NUDT7: variants seen among roughly 807,000 people sequenced by gnomAD.
NUDT7 encodes the protein peroxisomal coenzyme A diphosphatase NUDT7.
In NUDT7, 19 loss-of-function variants were observed where a neutral mutation model predicts 13.1. The observed-to-expected ratio is 1.45, with a 90% CI of 1.01 to 2.13. The LOEUF (loss-of-function observed/expected upper bound fraction) is 2.13, where lower values mean the gene tolerates loss of function less well. Ranked by LOEUF, NUDT7 falls within the 30% of genes most tolerant of loss-of-function variation. The pLI is 0.00. For missense variants in NUDT7, 360 were observed against 291.7 expected (o/e 1.23, Z -1.71); for synonymous variants, 132 against 109.7 (o/e 1.20, Z -1.27).
chr16:77,737,008 T>C (rs1008157128), intron 3 of NUDT7, among the ~76,000 whole-genome samples: 22 of 151,788 alleles, frequency 1.4e-4, no homozygotes, highest in Admixed American at 7.9e-4. Flanking sequence ...ATGGAAACCA[T>C]AGGAAACTAG....
intron 2 of NUDT7, among the ~76,000 whole-genome samples, chr16:77,726,794 C>G (rs1037753481): frequency 6.6e-6 from 1 of 151,356 alleles, no homozygotes. Context: ...GACTCCATCT[C>G]AAAAAAAGAA....
At chr16:77,731,583 A>G (rs2014320503) in intron 2 of NUDT7, among the ~76,000 whole-genome samples, 2 of 152,214 alleles carry the variant, frequency 1.3e-5, no homozygotes, top group South Asian at 4.1e-4. Context: ...TGGTTTATGA[A>G]ATTTACTACA....
Position 77,735,871 on chromosome 16 carries a change from G to T in NUDT7, c.233G>T (p.Arg78Leu). Residue 78 changes from arginine to leucine, a missense_variant, in exon 3 of 4, where the codon CGT becomes CTT. Transcript: ENST00000268533. ...PGEVCFPGGK[R>L]DPTDMDDAAT... ...GAAGTTTGCTTCCCTGGAGGTAAGC[G>T]TGACCCTACAGACATGGATGATGCA... The T allele has an allele frequency of 2.5e-6, 4 of 1,614,026 alleles. No homozygotes were observed. The highest frequency in any genetic ancestry group is 3.4e-6 in the Non-Finnish European group (4 of 1,179,932).
intron 2 of NUDT7, among the ~76,000 whole-genome samples, chr16:77,734,716 A>G (rs1490388134): frequency 2.6e-5 from 4 of 151,106 alleles, no homozygotes; most frequent in Non-Finnish European, 4.4e-5. Context: ...CTATTCAGCC[A>G]TAAAAAAGGA....
At chr16:77,736,156 A>C in intron 3 of NUDT7, 170 bp downstream of exon 3, 1 of 592,340 alleles carries the variant, frequency 1.7e-6, no homozygotes, top group Non-Finnish European at 2.9e-6. Flanking sequence ...GCTATGGGCA[A>C]CCCCTTTTGC....
intron 2 of NUDT7, among the ~76,000 whole-genome samples, chr16:77,728,665 G>C (rs949553765): frequency 6.6e-6 from 1 of 152,188 alleles, no homozygotes; most frequent in Non-Finnish European, 1.5e-5. Context: ...ACGGCTGCTG[G>C]CATGCCATAG....
intron 1 of NUDT7, among the ~76,000 whole-genome samples, 198 bp from the exon 2 acceptor site, chr16:77,725,233 G>GT (rs1212266893): frequency 6.6e-6 from 1 of 152,212 alleles, no homozygotes; most frequent in Middle Eastern, 3.4e-3. Context: ...TGCTTAGAAG[G>GT]TTTTTTTGTC....
intron 2 of NUDT7, among the ~76,000 whole-genome samples, chr16:77,727,861 A>G (rs1444063770): frequency 7.7e-6 from 1 of 130,656 alleles, no homozygotes; most frequent in Non-Finnish European, 1.6e-5. Context: ...CATCTCAATA[A>G]TGAATAAATA....
At chr16:77,728,656 C>T (rs773739070) in intron 2 of NUDT7, among the ~76,000 whole-genome samples, 4 of 152,208 alleles carry the variant, frequency 2.6e-5, no homozygotes, top group South Asian at 2.1e-4. Context: ...ACGCCCAGCA[C>T]GGCTGCTGGC....
intron 2 of NUDT7, among the ~76,000 whole-genome samples, chr16:77,728,272 G>A (rs2014204294): frequency 6.6e-6 from 1 of 152,102 alleles, no homozygotes; most frequent in African/African-American, 2.4e-5. Flanking sequence ...TCGCTCTGTC[G>A]CCCAGGCTGG....
At chr16:77,727,701 A>C (rs2014182134) in intron 2 of NUDT7, among the ~76,000 whole-genome samples, 1 of 152,054 alleles carries the variant, frequency 6.6e-6, no homozygotes, top group Non-Finnish European at 1.5e-5. Context: ...CTAAAAATAC[A>C]AAAAATTAGC....
In NUDT7 at chr16:77,722,524, A is replaced by T. The variant is rs1193187156; in HGVS notation, c.-59A>T. The stretch of plus-strand genomic sequence containing the variant: ...CCCAAGCCCAGAGCTGCTCTGCGCA[A>T]GCGCGACCGACCGAGCAGCTCCGAG... On this transcript the variant is annotated 5_prime_UTR_variant, in exon 1 of 4. In the 5' UTR this introduces an upstream ATG that the reference lacks. Transcript: ENST00000268533. The T allele has an allele frequency of 2.0e-6, 3 of 1,510,774 alleles. No individual in the cohort carries two copies. Among genetic ancestry groups the T allele is most frequent in the African/African-American group, 2.8e-5 (2 of 72,288 alleles). The allele number at this position is 1,510,774 out of a possible 1,614,324, so 93.6% of individuals were successfully genotyped here.
intron 3 of NUDT7, 130 bp from the exon 4 acceptor site, chr16:77,741,452 G>A (rs771874942): frequency 2.9e-5 from 27 of 933,922 alleles, no homozygotes; most frequent in Middle Eastern, 3.4e-4. Flanking sequence ...ATTTGTTTCC[G>A]GAATAAGCTT....
chr16:77,726,750 T>C (rs907014278), intron 2 of NUDT7, among the ~76,000 whole-genome samples: 1 of 152,072 alleles, frequency 6.6e-6, no homozygotes, highest in Non-Finnish European at 1.5e-5. Context: ...TGAGCCGAGA[T>C]TGTGCCACTG....
intron 2 of NUDT7, among the ~76,000 whole-genome samples, chr16:77,728,266 T>C (rs2014204144): frequency 6.6e-6 from 1 of 152,172 alleles, no homozygotes; most frequent in South Asian, 2.1e-4. Context: ...GGATTCTCGC[T>C]CTGTCGCCCA....
rs138569793 is a variant in NUDT7, at chr16:77,737,990, T to C, written c.348+2004T>C. Among the ~76,000 whole-genome samples, 176 of 152,256 alleles carry C rather than the reference T, an allele frequency of 1.2e-3. 2 individuals carry two copies. Among genetic ancestry groups the C allele is most frequent in the African/African-American group, 4.0e-3 (167 of 41,560 alleles). ...TCCTTTTTAAAAATAGAAAGGTCAG[T>C]ACCCAAGGGTGGTTTTGTTTGCAAA... On this transcript the variant is annotated intron_variant, in intron 3 of 3. Coordinates refer to ENST00000268533, the MANE Select transcript of NUDT7 (RefSeq NM_001105663.3).
rs773502197 is a variant in NUDT7, at chr16:77,741,589, C to T, written c.356C>T (p.Thr119Ile). 3.6e-5 allele frequency: 58 copies of T among 1,603,648 alleles called. No homozygotes were observed. Among genetic ancestry groups the T allele is most frequent in the Non-Finnish European group, 4.4e-5 (52 of 1,176,772 alleles). The change falls in exon 4 of 4, where the codon ACA becomes ATA. Residue 119 changes from threonine (T) to isoleucine (I), a missense_variant. Thr to Ile is a moderately conservative substitution (Grantham distance 89). Coordinates refer to ENST00000268533, the MANE Select transcript of NUDT7 (RefSeq NM_001105663.3). ...CLVPCLIDTD[T>I]LITPFVGLID... The stretch of plus-strand genomic sequence containing the variant: ...TTTGTTTTCTGCTTTTAGACAGATA[C>T]ATTGATAACTCCATTTGTGGGTTTA...
At chr16:77,727,284 A>G (rs1354560809) in intron 2 of NUDT7, among the ~76,000 whole-genome samples, 1 of 152,212 alleles carries the variant, frequency 6.6e-6, no homozygotes, top group East Asian at 1.9e-4. Context: ...CCAAGTACAA[A>G]AAGAAAATAA....
At position 77,741,925 on chromosome 16, in the gene NUDT7, A is replaced by AT; in HGVS notation, c.693dup (p.Lys232Ter). Reference sequence around the variant, plus strand: ...TCTGAAGAGTTATTCCTGAAGGTTCATAAAAAAGCTACAAGCAGGTTATGA... The same window carrying AT: ...TCTGAAGAGTTATTCCTGAAGGTTCATTAAAAAAGCTACAAGCAGGTTATGA... On this transcript the variant is annotated frameshift_variant, in exon 4 of 4. Coordinates refer to ENST00000268533, the MANE Select transcript of NUDT7 (RefSeq NM_001105663.3). LOFTEE classifies it high-confidence loss of function. The AT allele has an allele frequency of 6.2e-7, 1 of 1,604,660 alleles. No individual in the cohort carries two copies. Among genetic ancestry groups the AT allele is most frequent in the Non-Finnish European group, 8.5e-7 (1 of 1,175,870 alleles).
Sources: gnomAD v4.1 joint callset for allele counts (sites outside exome capture counted in the v4.1 genomes callset) on GRCh38, gnomAD v4.1.1 for gene constraint, MANE v1.5 for transcripts, NCBI Gene and HGNC (gene_info 2026-07-23, HGNC 2026-07-21) for gene names.